The following ZFHX3 variants were observed in gnomAD, a reference collection of about 807,000 sequenced individuals.
ZFHX3 encodes zinc finger homeobox 3.
A neutral mutation model predicts 279.1 loss-of-function variants in ZFHX3; 42 were observed. The ratio of observed to expected loss-of-function variants is 0.15; its 90% CI spans 0.12 to 0.19. The LOEUF (loss-of-function observed/expected upper bound fraction) is 0.19. Ranked by LOEUF, ZFHX3 falls within the 10% of genes least tolerant of loss-of-function variation. The pLI, the probability that ZFHX3 is intolerant of heterozygous loss-of-function variation, is 1.00. For synonymous variants in ZFHX3, 2,293 were observed against 1,957.8 expected (o/e 1.17, Z -4.52); for missense variants, 4,981 against 4,754.0 (o/e 1.05, Z -1.40).
intron 2 of ZFHX3, among the ~76,000 whole-genome samples, chr16:73,642,726 T>C (rs1384890063): frequency 2.0e-5 from 3 of 152,148 alleles, no homozygotes; most frequent in Admixed American, 6.5e-5. Flanking sequence ...CCTAGAACAG[T>C]ACAGCCTGAA....
chr16:73,565,507 G>C (rs938830908), intron 2 of ZFHX3, among the ~76,000 whole-genome samples: 1 of 152,136 alleles, frequency 6.6e-6, no homozygotes, highest in African/African-American at 2.4e-5. Context: ...TTTCCCGAAA[G>C]GTTACCTCGA....
intron 1 of ZFHX3, among the ~76,000 whole-genome samples, chr16:73,737,304 T>C (rs2053617829): frequency 6.6e-6 from 1 of 152,212 alleles, no homozygotes; most frequent in Non-Finnish European, 1.5e-5. Flanking sequence ...CTCAAAATGC[T>C]GGAATTACAG....
chr16:73,347,336 C>T (rs2016142652), intron 3 of ZFHX3, among the ~76,000 whole-genome samples: 1 of 152,198 alleles, frequency 6.6e-6, no homozygotes, highest in South Asian at 2.1e-4. Flanking sequence ...GCCTGGATGC[C>T]CCGTAACAGG....
chr16:72,803,308 G>T (rs1282076596), intron 7 of ZFHX3, among the ~76,000 whole-genome samples: 3 of 152,134 alleles, frequency 2.0e-5, no homozygotes, highest in African/African-American at 4.8e-5. Context: ...CTCCAGCCTG[G>T]GCGACAGAGT....
intron 5 of ZFHX3, among the ~76,000 whole-genome samples, chr16:72,828,141 G>GATT (rs1486903185): frequency 4.6e-5 from 7 of 152,146 alleles, no homozygotes; most frequent in Admixed American, 1.3e-4. Flanking sequence ...CACCGAACAT[G>GATT]ATTTAAGAAC....
intron 8 of ZFHX3, among the ~76,000 whole-genome samples, chr16:73,075,714 A>C (rs1965880321): frequency 6.6e-6 from 1 of 151,750 alleles, no homozygotes; most frequent in African/African-American, 2.4e-5. Context: ...GCTCACTGCA[A>C]CCTCCGCCTC....
chr16:73,247,080 G>A (rs950324932), intron 5 of ZFHX3, among the ~76,000 whole-genome samples: 1 of 152,116 alleles, frequency 6.6e-6, no homozygotes, highest in South Asian at 2.1e-4. Context: ...GAGTGTATGT[G>A]TATGTGTGTG....
intron 1 of ZFHX3, among the ~76,000 whole-genome samples, chr16:73,887,617 G>A (rs2030390250): frequency 6.6e-6 from 1 of 151,996 alleles, no homozygotes; most frequent in Non-Finnish European, 1.5e-5. Context: ...CTTTAGAGTA[G>A]ATGAATTGGA....
intron 4 of ZFHX3, among the ~76,000 whole-genome samples, chr16:73,278,630 C>T (rs2014371420): frequency 6.6e-6 from 1 of 152,218 alleles, no homozygotes; most frequent in Non-Finnish European, 1.5e-5. Context: ...TCTGTCCCCA[C>T]CCACGTTCCG....
At position 73,239,892 on chromosome 16, in the gene ZFHX3, C is replaced by T. The variant is rs76112211; in HGVS notation, c.-1104+17155G>A. 5.5e-4 allele frequency among the ~76,000 whole-genome samples: 84 copies of T among 152,222 alleles called. 1 individual carries two copies. In the East Asian group the frequency reaches 0.011, roughly 20 times the overall value. ...CCACAGACACTGAGTTAGTGAATAC[C>T]GAACCATCGCTCCTAGGGGAAATAG... On this transcript the variant is annotated intron_variant, in intron 5 of 17. Transcript: ENST00000641206.
At chr16:73,248,246 G>T (rs565857684) in intron 5 of ZFHX3, among the ~76,000 whole-genome samples, 1 of 151,710 alleles carries the variant, frequency 6.6e-6, no homozygotes, top group Admixed American at 6.6e-5. Flanking sequence ...ATGTGTGTGT[G>T]TTTATGTGCG....
chr16:73,522,778 A>G (rs1010943264), intron 2 of ZFHX3, among the ~76,000 whole-genome samples: 5 of 152,336 alleles, frequency 3.3e-5, no homozygotes, highest in Admixed American at 3.3e-4. Flanking sequence ...TATAAAGGAA[A>G]GAGATTTAAC....
At chr16:73,107,783 A>G (rs1356205788) in intron 7 of ZFHX3, among the ~76,000 whole-genome samples, 1 of 152,194 alleles carries the variant, frequency 6.6e-6, no homozygotes, top group Non-Finnish European at 1.5e-5. Flanking sequence ...TGGGAGGCCA[A>G]GGTAGCAGGG....
At chr16:73,141,420 CG>C (rs1966847552) in intron 6 of ZFHX3, among the ~76,000 whole-genome samples, 1 of 148,958 alleles carries the variant, frequency 6.7e-6, no homozygotes, top group African/African-American at 2.5e-5. Flanking sequence ...TTTTCAGAGA[CG>C]GGGTTTTGCT....
intron 1 of ZFHX3, among the ~76,000 whole-genome samples, chr16:73,778,902 G>T (rs1959354410): frequency 6.6e-6 from 1 of 152,228 alleles, no homozygotes; most frequent in African/African-American, 2.4e-5. Context: ...AGTAGGAATT[G>T]TTCTTCTGTG....
chr16:73,578,311 T>G (rs2051821965), intron 2 of ZFHX3, among the ~76,000 whole-genome samples: 1 of 152,140 alleles, frequency 6.6e-6, no homozygotes, highest in South Asian at 2.1e-4. Flanking sequence ...TACATAAAAT[T>G]TTAGCATTAG....
rs548452914 is a variant in ZFHX3 at position 73,560,634 on chromosome 16, G to A, written c.-1546-104376C>T. Among the ~76,000 whole-genome samples, 19 of 152,304 alleles carry A rather than the reference G, an allele frequency of 1.2e-4. No individual in the cohort carries two copies. In the South Asian group the frequency reaches 1.7e-3, roughly 13 times the overall value. On this transcript the variant is annotated intron_variant, in intron 2 of 17. Coordinates refer to the ZFHX3 transcript ENST00000641206. The stretch of plus-strand genomic sequence containing the variant: ...GGGAATTCCCAGGTGCGAAGGGAGT[G>A]GCCCAGACTGGGGATTCAGCAGCAG...
At chr16:73,878,025 CCAT>C (rs2030010923) in intron 1 of ZFHX3, among the ~76,000 whole-genome samples, 6 of 152,024 alleles carry the variant, frequency 3.9e-5, no homozygotes, top group Admixed American at 3.9e-4. Flanking sequence ...CTTCTCCATA[CCAT>C]CATTTCTCTT....
chr16:73,174,107 C>T (rs1967603160), intron 5 of ZFHX3, among the ~76,000 whole-genome samples: 2 of 152,232 alleles, frequency 1.3e-5, no homozygotes, highest in South Asian at 2.1e-4. Flanking sequence ...GGACGTGTTT[C>T]CCCCAGGCGA....
Sources: gnomAD v4.1 joint callset for allele counts (sites outside exome capture counted in the v4.1 genomes callset) on GRCh38, gnomAD v4.1.1 for gene constraint, MANE v1.5 for transcripts, NCBI Gene and HGNC (gene_info 2026-07-23, HGNC 2026-07-21) for gene names.